The following HERPUD1 variants were observed in gnomAD, a reference collection of about 807,000 sequenced individuals.
HERPUD1 encodes homocysteine inducible ER protein with ubiquitin like domain 1.
A neutral mutation model predicts 45.0 loss-of-function variants in HERPUD1; 17 were observed. That is an observed-to-expected ratio of 0.38 (90% CI 0.26 to 0.57). HERPUD1 has a LOEUF of 0.57. Among genes scored for constraint, HERPUD1 ranks in the 20% least tolerant of loss-of-function variants. HERPUD1 has a pLI of 0.72. For synonymous variants in HERPUD1, 164 were observed against 177.5 expected (o/e 0.92, Z 0.61); for missense variants, 420 against 490.5 (o/e 0.86, Z 1.36).
intron 1 of HERPUD1, 144 bp downstream of exon 1, chr16:56,932,535 C>A (rs1382522204): frequency 9.2e-6 from 7 of 763,328 alleles, no homozygotes; most frequent in Non-Finnish European, 1.4e-5. Context: ...GGGCTGTGGT[C>A]TCCCCTTCCC....
Position 56,940,019 on chromosome 16 carries a change from A to G in HERPUD1, c.679A>G (p.Asn227Asp). ...NQFPAENQPA[N>D]QNAAPQVVVN... ...GTTTCCAGCTGAAAACCAGCCTGCCAATCAGAATGCTGCTCCTCAAGTGGT... is the reference window on the plus strand; with the variant it reads ...GTTTCCAGCTGAAAACCAGCCTGCCGATCAGAATGCTGCTCCTCAAGTGGT... The change falls in exon 6 of 8, where the codon AAT (asparagine) becomes GAT (aspartate). Residue 227 changes from asparagine to aspartate, a missense_variant. Transcript: ENST00000439977. 1.2e-6 allele frequency: 2 copies of G among 1,614,244 alleles called. No individual in the cohort carries two copies. Among genetic ancestry groups the G allele is most frequent in the Non-Finnish European group, 1.7e-6 (2 of 1,180,036 alleles).
chr16:56,936,787 T>C lies in HERPUD1; in HGVS notation c.401T>C (p.Leu134Pro). The stretch of plus-strand genomic sequence containing the variant: ...AGGCAAAGGGAAGTTCTTCGGAACC[T>C]TTCTTCCCCTGGATGGGAAAACATC... ...GLRQREVLRNLSSPGWENISR... is the reference protein window; with the variant it reads ...GLRQREVLRNPSSPGWENISR... The change falls in exon 4 of 8, where the codon CTT becomes CCT. Residue 134 changes from leucine (L) to proline (P), a missense_variant. Transcript: ENST00000439977. 6.2e-7 allele frequency: 1 copy of C among 1,614,094 alleles called. No homozygotes were observed.
rs573155644 is a variant in HERPUD1 at position 56,942,152 on chromosome 16, C to A, written c.926C>A (p.Pro309Gln). 10 of 1,613,944 alleles carry A rather than the reference C, an allele frequency of 6.2e-6. No individual in the cohort carries two copies. Among genetic ancestry groups the A allele is most frequent in the Non-Finnish European group, 6.8e-6 (8 of 1,179,884 alleles). Residue 309 changes from proline to glutamine, a missense_variant, in exon 7 of 8, where the codon CCA (proline) becomes CAA (glutamine). Pro to Gln is a moderately conservative substitution (Grantham distance 76). Coordinates refer to ENST00000439977, the MANE Select transcript of HERPUD1 (RefSeq NM_014685.4). ...VMYLHHVGWFPFRPRPVQNFP... is the reference protein window; with the variant it reads ...VMYLHHVGWFQFRPRPVQNFP... ...TGAAGGCATCACGTTGGGTGGTTTC[C>A]ATTTAGACCGAGGCCGGTTCAGAAC...
chr16:56,932,158 C>CGGTCGT lies in HERPUD1; in HGVS notation c.-87_-86insGGTCGT. 1 of 1,553,106 alleles carries CGGTCGT rather than the reference C, an allele frequency of 6.4e-7. No homozygotes were observed. On this transcript the variant is annotated 5_prime_UTR_variant, in exon 1 of 8. Coordinates refer to ENST00000439977, the MANE Select transcript of HERPUD1 (RefSeq NM_014685.4). ...GGGGCGCGCGCCCCAGAGACGTGAA[C>CGGTCGT]TGTCGTTGCAGAGATTGCGGGCGGC... is the stretch of plus-strand genomic sequence containing the variant.
chr16:56,932,821 G>C (rs2055837801), intron 1 of HERPUD1, among the ~76,000 whole-genome samples: 1 of 152,214 alleles, frequency 6.6e-6, no homozygotes, highest in Non-Finnish European at 1.5e-5. Context: ...CAGACACTGT[G>C]GACGGAAGGC....
At chr16:56,941,545 A>C (rs2055909753) in intron 6 of HERPUD1, 3 of 152,234 alleles carry the variant, frequency 2.0e-5, no homozygotes, top group African/African-American at 7.2e-5. Flanking sequence ...TTCGTGGTTG[A>C]AACTAAAAGA....
In HERPUD1 at chr16:56,943,160, A is replaced by G. The variant is rs1596984549; in HGVS notation, c.1046A>G (p.His349Arg). The change falls in exon 8 of 8, where the codon CAC becomes CGC. Residue 349 changes from histidine to arginine, a missense_variant. Transcript: ENST00000439977. The part of the protein sequence containing the change: ...GTDPETEDPN[H>R]LPPDRDVLDG... ...GATCCTGAAACTGAAGACCCCAACC[A>G]CCTCCCTCCAGACAGGGATGTACTA... is the stretch of plus-strand genomic sequence containing the variant. 1.2e-6 allele frequency: 2 copies of G among 1,613,570 alleles called. No individual in the cohort carries two copies. Among genetic ancestry groups the G allele is most frequent in the Non-Finnish European group, 1.7e-6 (2 of 1,179,918 alleles).
chr16:56,943,068 A>G (rs2055923212), intron 7 of HERPUD1, 58 bp from the exon 8 acceptor site: 19 of 1,545,754 alleles, frequency 1.2e-5, no homozygotes, highest in Non-Finnish European at 1.7e-5. Context: ...TTTGGTGTTC[A>G]TCATAGCCCT....
chr16:56,942,801 C>T (rs762349866), intron 7 of HERPUD1, among the ~76,000 whole-genome samples: 1 of 152,158 alleles, frequency 6.6e-6, no homozygotes, highest in Non-Finnish European at 1.5e-5. Flanking sequence ...GCCAAGATCA[C>T]ACCACTGCAC....
chr16:56,939,025 G>A (rs1168450993), intron 4 of HERPUD1: 5 of 584,894 alleles, frequency 8.5e-6, no homozygotes, highest in Admixed American at 3.1e-5. Context: ...TTGTTTTCCT[G>A]TGGGATGGGA....
rs1414529357 is a variant in HERPUD1, at chr16:56,940,045, T to G, written c.705T>G (p.Val235=). The G allele has an allele frequency of 6.8e-6, 11 of 1,614,094 alleles. No individual in the cohort carries two copies. The highest frequency in any genetic ancestry group is 9.3e-6 in the Non-Finnish European group (11 of 1,180,048). ...ATCAGAATGCTGCTCCTCAAGTGGT[T>G]GTTAATCCTGGAGCCAATCAAAATT... is the stretch of plus-strand genomic sequence containing the variant. The part of the protein sequence containing the change: ...PANQNAAPQV[V]VNPGANQNLR... The change falls in exon 6 of 8, where the codon GTT becomes GTG. Residue 235 remains valine, a synonymous_variant. Coordinates refer to ENST00000439977, the MANE Select transcript of HERPUD1 (RefSeq NM_014685.4).
chr16:56,943,248 T>G lies in HERPUD1; in HGVS notation c.1134T>G (p.Phe378Leu), dbSNP rs1269507932. 2 of 1,614,106 alleles carry G rather than the reference T, an allele frequency of 1.2e-6. No individual in the cohort carries two copies. The highest frequency in any genetic ancestry group is 1.7e-6 in the Non-Finnish European group (2 of 1,180,036). The change falls in exon 8 of 8, where the codon TTT becomes TTG. Residue 378 changes from phenylalanine (F) to leucine (L), a missense_variant. Coordinates refer to ENST00000439977, the MANE Select transcript of HERPUD1 (RefSeq NM_014685.4). ...STAWLVFKTF[F>L]ASLLPEGPPA... Reference sequence around the variant, plus strand: ...CATGGCTTGTCTTCAAGACTTTCTTTGCCTCTCTTCTTCCAGAAGGCCCCC... The same window carrying G: ...CATGGCTTGTCTTCAAGACTTTCTTGGCCTCTCTTCTTCCAGAAGGCCCCC...
At chr16:56,941,752 A>C (rs2055911370) in intron 6 of HERPUD1, 1 of 155,314 alleles carries the variant, frequency 6.4e-6, no homozygotes, top group South Asian at 2.0e-4. Flanking sequence ...CTAGAATCAT[A>C]TATTTAAAAG....
At chr16:56,936,575 C>A (rs2055867875) in intron 3 of HERPUD1, 112 bp from the exon 4 acceptor site, 2 of 938,584 alleles carry the variant, frequency 2.1e-6, no homozygotes, top group Non-Finnish European at 2.9e-6. Context: ...TTGTCACGTT[C>A]AGAGGTGGGG....
Position 56,939,327 on chromosome 16 carries a change from G to A in HERPUD1, c.522G>A (p.Gln174=). Residue 174 remains glutamine (Q), a synonymous_variant, in exon 5 of 8, where the codon CAG becomes CAA. Coordinates refer to ENST00000439977, the MANE Select transcript of HERPUD1 (RefSeq NM_014685.4). ...PYGWLQLSWF[Q]QIYARQYYMQ... ...GGTGGCTTCAGCTTTCCTGGTTCCA[G>A]CAGATATATGCACGACAGTACTACA... 6.2e-7 allele frequency: 1 copy of A among 1,614,230 alleles called. No homozygotes were observed. Among genetic ancestry groups the A allele is most frequent in the Non-Finnish European group, 8.5e-7 (1 of 1,180,046 alleles).
At position 56,943,681 on chromosome 16, in the gene HERPUD1, A is replaced by G. The variant is rs538806957; in HGVS notation, c.*391A>G. 1 of 372,670 alleles carries G rather than the reference A, an allele frequency of 2.7e-6. No individual in the cohort carries two copies. The highest frequency in any genetic ancestry group is 5.1e-6 in the Non-Finnish European group (1 of 197,364). 23.1% of individuals were successfully genotyped at this position (372,670 alleles called of 1,614,324 possible). A position where few individuals can be genotyped will look rare whatever the true frequency, so the allele number is the denominator to read the frequency against. ...CTGGTACGATTTGATTCCTGTTGGA[A>G]TGTTTAAATTACACTAAGTGTACTA... On this transcript the variant is annotated 3_prime_UTR_variant, in exon 8 of 8. Transcript: ENST00000439977.
intron 6 of HERPUD1, chr16:56,940,734 G>A (rs1455667320): frequency 6.6e-6 from 1 of 152,318 alleles, no homozygotes; most frequent in Non-Finnish European, 1.5e-5. Flanking sequence ...GGCCGAGGCA[G>A]GAGGATCACA....
chr16:56,936,910 C>A, intron 4 of HERPUD1, 93 bp downstream of exon 4: 1 of 1,356,948 alleles, frequency 7.4e-7, no homozygotes, highest in South Asian at 1.6e-5. Flanking sequence ...CGTATATAAT[C>A]AGAACTTTTA....
intron 4 of HERPUD1, among the ~76,000 whole-genome samples, chr16:56,937,814 A>C (rs1395407993): frequency 6.6e-6 from 1 of 151,478 alleles, no homozygotes; most frequent in African/African-American, 2.4e-5. Context: ...ATGATCAAAA[A>C]CAGCATCATA....
Sources: gnomAD v4.1 joint callset for allele counts (sites outside exome capture counted in the v4.1 genomes callset) on GRCh38, gnomAD v4.1.1 for gene constraint, MANE v1.5 for transcripts, NCBI Gene and HGNC (gene_info 2026-07-23, HGNC 2026-07-21) for gene names.